The following AHCY variants were observed in gnomAD, a reference collection of about 807,000 sequenced individuals.
AHCY encodes the protein S-adenosyl-L-homocysteine hydrolase.
Under a neutral mutation model 45.4 loss-of-function variants are expected in AHCY, and 24 were observed. The ratio of observed to expected loss-of-function variants is 0.53; its 90% CI spans 0.38 to 0.74. The LOEUF (loss-of-function observed/expected upper bound fraction) is 0.74, where lower values mean the gene tolerates loss of function less well. Among genes scored for constraint, AHCY ranks in the 30% least tolerant of loss-of-function variants. The pLI is 0.00. For synonymous variants in AHCY, 245 were observed against 235.1 expected (o/e 1.04, Z -0.39); for missense variants, 449 against 594.1 (o/e 0.76, Z 2.54).
At chr20:34,248,963 C>CAA in the AHCY span, among the ~76,000 whole-genome samples, 175 of 129,322 alleles carry the variant, frequency 1.4e-3, no homozygotes, top group African/African-American at 3.7e-3. Flanking sequence ...ACCAAAAATA[C>CAA]AAAAAAAAAA....
chr20:34,247,888 T>C, the AHCY span, among the ~76,000 whole-genome samples: 1 of 152,020 alleles, frequency 6.6e-6, no homozygotes, highest in Non-Finnish European at 1.5e-5. Flanking sequence ...TGAGCCATGG[T>C]GCCCTGTCTT....
At chr20:34,256,881 G>A in the AHCY span, among the ~76,000 whole-genome samples, 1 of 151,950 alleles carries the variant, frequency 6.6e-6, no homozygotes, top group African/African-American at 2.4e-5. Flanking sequence ...CCTGGGGTCA[G>A]GTGATTCTCC....
chr20:34,283,623 C>G (rs2036075933), intron 9 of AHCY, among the ~76,000 whole-genome samples: 1 of 152,210 alleles, frequency 6.6e-6, no homozygotes, highest in Non-Finnish European at 1.5e-5. Flanking sequence ...AAAGGCCTGA[C>G]CAATTTCTCA....
At chr20:34,278,228 C>T (rs2035926543), downstream of AHCY, among the ~76,000 whole-genome samples, 2 of 152,076 alleles carry the variant, frequency 1.3e-5, no homozygotes, top group Admixed American at 1.3e-4. Context: ...TTTTCTGAAA[C>T]AAAAGGTTCT....
upstream of AHCY, among the ~76,000 whole-genome samples, chr20:34,303,867 G>A (rs2036860714): frequency 1.3e-5 from 2 of 152,170 alleles, no homozygotes; most frequent in East Asian, 1.9e-4. Flanking sequence ...GTGGTGGCGC[G>A]CGCTTGTGGT....
At chr20:34,258,574 C>T in the AHCY span, among the ~76,000 whole-genome samples, 7 of 142,146 alleles carry the variant, frequency 4.9e-5, no homozygotes, top group African/African-American at 1.8e-4. Flanking sequence ...AGTAGCCAAG[C>T]TTGGATGGAA....
the AHCY span, among the ~76,000 whole-genome samples, chr20:34,272,001 G>A: frequency 6.6e-6 from 1 of 151,874 alleles, no homozygotes; most frequent in Non-Finnish European, 1.5e-5. Context: ...TTAGTCTCCT[G>A]GGGAGACTTG....
chr20:34,267,591 G>A, the AHCY span, among the ~76,000 whole-genome samples: 2 of 151,608 alleles, frequency 1.3e-5, no homozygotes, highest in South Asian at 4.2e-4. Context: ...GAGTGCAATG[G>A]CGCAATCTCC....
At chr20:34,269,164 C>T in the AHCY span, 1 of 1,525,312 alleles carries the variant, frequency 6.6e-7, no homozygotes, top group Non-Finnish European at 8.8e-7. Context: ...GCCTCAACTG[C>T]TGAGCGCCCC....
At chr20:34,269,594 A>G in the AHCY span, among the ~76,000 whole-genome samples, 2 of 151,972 alleles carry the variant, frequency 1.3e-5, no homozygotes, top group Non-Finnish European at 2.9e-5. Flanking sequence ...ACAGCCTTTC[A>G]GTCTCACACA....
At chr20:34,246,114 C>A in the AHCY span, 1 of 900,290 alleles carries the variant, frequency 1.1e-6, no homozygotes, top group Non-Finnish European at 1.8e-6. Context: ...AATCTTTGTG[C>A]TTCTTTAAGA....
intron 1 of AHCY, chr20:34,302,201 A>G (rs965266235): frequency 6.2e-6 from 1 of 161,754 alleles, no homozygotes; most frequent in Non-Finnish European, 1.3e-5. Flanking sequence ...GCGTTTCACC[A>G]CGTTGGCCAG....
chr20:34,302,946 G>T, intron 1 of AHCY: 1 of 985,444 alleles, frequency 1.0e-6, no homozygotes, highest in Non-Finnish European at 1.2e-6. Context: ...GCCGTCCCAG[G>T]CCGTGGCCAG....
chr20:34,254,827 C>T, the AHCY span, among the ~76,000 whole-genome samples: 5 of 152,098 alleles, frequency 3.3e-5, no homozygotes, highest in Non-Finnish European at 5.9e-5. Flanking sequence ...ACATATCCCT[C>T]CAGAATTGAG....
chr20:34,276,591 C>T (rs1826249073), downstream of AHCY, among the ~76,000 whole-genome samples: 1 of 152,130 alleles, frequency 6.6e-6, no homozygotes, highest in Non-Finnish European at 1.5e-5. Flanking sequence ...AAGCCCACCA[C>T]CCAGCACCCG....
downstream of AHCY, among the ~76,000 whole-genome samples, chr20:34,279,851 C>T (rs954909985): frequency 6.6e-6 from 1 of 152,072 alleles, no homozygotes; most frequent in Non-Finnish European, 1.5e-5. Flanking sequence ...CAGCCGGGCA[C>T]AGTGGCTCAC....
chr20:34,303,012 C>G lies in AHCY; in HGVS notation c.28+231G>C, dbSNP rs1055521185. 5.1e-6 allele frequency: 5 copies of G among 985,400 alleles called. No homozygotes were observed. The East Asian group carries it at 5.7e-4, about 112-fold the overall frequency. 61.0% of individuals were successfully genotyped at this position (985,400 alleles called of 1,614,324 possible). ...TTGCGGCTCGCAGACCGCGCGGCGG[C>G]CCCGGCGTCGCGGGGCATGCTGGGA... is the stretch of plus-strand genomic sequence containing the variant. On this transcript the variant is annotated intron_variant, in intron 1 of 9. Coordinates refer to ENST00000217426, the MANE Select transcript of AHCY (RefSeq NM_000687.4).
At chr20:34,302,179 T>C (rs1347549495) in intron 1 of AHCY, among the ~76,000 whole-genome samples, 3 of 152,056 alleles carry the variant, frequency 2.0e-5, no homozygotes, top group Non-Finnish European at 2.9e-5. Flanking sequence ...TTTTGTATTT[T>C]TGGTAGAGAT....
intron 4 of AHCY, among the ~76,000 whole-genome samples, chr20:34,292,002 C>T (rs995432030): frequency 3.9e-5 from 6 of 152,248 alleles, no homozygotes; most frequent in African/African-American, 1.4e-4. Flanking sequence ...GTGAAGGCTC[C>T]CTTTGCTCAC....
Sources: gnomAD v4.1 joint callset for allele counts (sites outside exome capture counted in the v4.1 genomes callset) on GRCh38, gnomAD v4.1.1 for gene constraint, MANE v1.5 for transcripts, NCBI Gene and HGNC (gene_info 2026-07-23, HGNC 2026-07-21) for gene names.